GULP1: variants seen among roughly 807,000 people sequenced by gnomAD.
GULP1 encodes the protein PTB domain-containing engulfment adapter protein 1.
In GULP1, 19 loss-of-function variants were observed where a neutral mutation model predicts 40.9. The ratio of observed to expected loss-of-function variants is 0.46; its 90% CI spans 0.32 to 0.68. The LOEUF is 0.68. Among genes scored for constraint, GULP1 ranks in the 30% least tolerant of loss-of-function variants. The probability of loss-of-function intolerance (pLI) is 0.03; values close to 1 mark genes in which losing one functional copy is unlikely to be tolerated. For missense variants in GULP1, 312 were observed against 362.2 expected (o/e 0.86, Z 1.12); for synonymous variants, 119 against 117.6 (o/e 1.01, Z -0.08).
chr2:188,491,562 G>C (rs1403888363), intron 4 of GULP1: 4 of 152,200 alleles, frequency 2.6e-5, no homozygotes, highest in Non-Finnish European at 4.4e-5. Flanking sequence ...AATGGATTAT[G>C]TGGTTGCTTT....
At chr2:188,357,898 G>A (rs771109776) in intron 1 of GULP1, among the ~76,000 whole-genome samples, 3 of 152,156 alleles carry the variant, frequency 2.0e-5, no homozygotes, top group Non-Finnish European at 4.4e-5. Context: ...ATGAAATCCT[G>A]GCTGAGACAG....
At chr2:188,516,445 G>T (rs1210405652) in intron 4 of GULP1, among the ~76,000 whole-genome samples, 4 of 151,818 alleles carry the variant, frequency 2.6e-5, no homozygotes, top group Admixed American at 1.3e-4. Context: ...TGCTTTGATG[G>T]TAAGCCTCTT....
chr2:188,415,556 T>G (rs911132009), intron 2 of GULP1, among the ~76,000 whole-genome samples: 32 of 152,094 alleles, frequency 2.1e-4, no homozygotes, highest in African/African-American at 7.5e-4. Context: ...TGTTTAAATC[T>G]TTTGTCACTG....
intron 1 of GULP1, among the ~76,000 whole-genome samples, chr2:188,300,968 G>C (rs933692482): frequency 6.6e-6 from 1 of 152,098 alleles, no homozygotes; most frequent in African/African-American, 2.4e-5. Flanking sequence ...AAGCACCACT[G>C]ACACTTATTT....
rs62181180 is a variant in GULP1, at chr2:188,325,801, G to A, written c.-172+33635G>A. Among the ~76,000 whole-genome samples the A allele has an allele frequency of 4.2e-3, 644 of 152,170 alleles. 4 individuals carry two copies. The highest frequency in any genetic ancestry group is 6.5e-3 in the Non-Finnish European group (443 of 67,988). ...CTTGGCACATTGACACCACTTTTAT[G>A]TAAAGGTGAATTTTAGTCTGAAAAT... On this transcript the variant is annotated intron_variant, in intron 1 of 11. Transcript: ENST00000409830.
intron 10 of GULP1, among the ~76,000 whole-genome samples, chr2:188,586,236 TA>T (rs1410447010): frequency 6.6e-6 from 1 of 152,166 alleles, no homozygotes; most frequent in Non-Finnish European, 1.5e-5. Context: ...GACAGAGAAA[TA>T]GAGATTATAT....
chr2:188,503,289 A>G (rs2063601457), intron 4 of GULP1, among the ~76,000 whole-genome samples: 2 of 151,798 alleles, frequency 1.3e-5, no homozygotes, highest in Admixed American at 6.6e-5. Flanking sequence ...ACTGCTTGAG[A>G]CTGGGTAATT....
intron 4 of GULP1, among the ~76,000 whole-genome samples, chr2:188,487,163 T>C (rs1380654169): frequency 6.6e-6 from 1 of 152,024 alleles, no homozygotes; most frequent in Non-Finnish European, 1.5e-5. Context: ...TGTATTTTAA[T>C]CAATTTATTT....
intron 2 of GULP1, among the ~76,000 whole-genome samples, chr2:188,470,463 G>C (rs1389396609): frequency 6.6e-6 from 1 of 151,948 alleles, no homozygotes; most frequent in Admixed American, 6.6e-5. Context: ...TTTTGAGTTT[G>C]GGTTGCTCTT....
intron 4 of GULP1, among the ~76,000 whole-genome samples, chr2:188,490,465 GTTAAAT>G (rs1158524367): frequency 3.3e-5 from 5 of 152,102 alleles, no homozygotes; most frequent in African/African-American, 1.2e-4. Context: ...GCCCCTGTCT[GTTAAAT>G]GATTCTCTGG....
intron 2 of GULP1, chr2:188,384,152 T>C (rs930474814): frequency 2.0e-5 from 3 of 152,216 alleles, no homozygotes; most frequent in African/African-American, 7.2e-5. Flanking sequence ...GATAGTATTA[T>C]ATTTAGTTGA....
intron 4 of GULP1, among the ~76,000 whole-genome samples, chr2:188,509,393 T>C (rs2064268861): frequency 6.6e-6 from 1 of 152,156 alleles, no homozygotes; most frequent in Non-Finnish European, 1.5e-5. Flanking sequence ...CAGTTCTGCA[T>C]ACAGCAATGC....
At chr2:188,431,643 C>T (rs969530371) in intron 2 of GULP1, among the ~76,000 whole-genome samples, 11 of 151,986 alleles carry the variant, frequency 7.2e-5, no homozygotes, top group Non-Finnish European at 8.8e-5. Context: ...GCAAACTTAA[C>T]CACGTAGAAA....
chr2:188,369,649 T>C lies in GULP1; in HGVS notation c.-171-14114T>C, dbSNP rs1181655040. ...ACCAGTACTCTCTTTATTGTAGATG[T>C]TTCTCTACCATTTTCTGTCTCGGTT... is the stretch of plus-strand genomic sequence containing the variant. On this transcript the variant is annotated intron_variant, in intron 1 of 11. Transcript: ENST00000409830. Among the ~76,000 whole-genome samples, 5 of 152,154 alleles carry C rather than the reference T, an allele frequency of 3.3e-5. No individual in the cohort carries two copies. In the East Asian group the frequency reaches 7.7e-4, roughly 23 times the overall value.
intron 2 of GULP1, among the ~76,000 whole-genome samples, chr2:188,411,082 A>G (rs1260073125): frequency 3.3e-5 from 5 of 152,136 alleles, no homozygotes; most frequent in Admixed American, 3.3e-4. Context: ...GACCTTTGTC[A>G]TTTAATCTAT....
At chr2:188,517,474 C>A (rs2065287393) in intron 4 of GULP1, among the ~76,000 whole-genome samples, 1 of 151,958 alleles carries the variant, frequency 6.6e-6, no homozygotes, top group African/African-American at 2.4e-5. Context: ...TTTTATTGCG[C>A]TCCCTCTACT....
Position 188,587,928 on chromosome 2 carries a change from A to G in GULP1, c.822A>G (p.Gln274=), listed in dbSNP as rs1702732789. 1.3e-6 allele frequency: 2 copies of G among 1,595,314 alleles called. No individual in the cohort carries two copies. The highest frequency in any genetic ancestry group is 1.7e-6 in the Non-Finnish European group (2 of 1,163,028). ...CAGCAGATTTCCCTCCAGATATTCA[A>G]TCAAAATTAGATGAGATGCAGGTGA... ...CGAADFPPDI[Q]SKLDEMQEGF... is the part of the protein sequence containing the mutation. The change falls in exon 11 of 12, where the codon CAA becomes CAG. Residue 274 remains glutamine, a synonymous_variant. Transcript: ENST00000409830.
At chr2:188,588,093 T>G (rs1203889599) in intron 11 of GULP1, 144 bp downstream of exon 11, 2 of 686,754 alleles carry the variant, frequency 2.9e-6, no homozygotes, top group African/African-American at 3.6e-5. Context: ...AAAATAATAA[T>G]GTACAGTTAG....
intron 1 of GULP1, among the ~76,000 whole-genome samples, chr2:188,369,896 T>C (rs983245908): frequency 1.1e-4 from 17 of 152,062 alleles, no homozygotes; most frequent in Non-Finnish European, 2.9e-5. Flanking sequence ...CACGCTGGAG[T>C]GTGATGGTGC....
Sources: allele counts gnomAD v4.1 joint callset (sites outside exome capture counted in the v4.1 genomes callset), GRCh38; gene constraint gnomAD v4.1.1; transcripts MANE v1.5; gene names NCBI Gene and HGNC (gene_info 2026-07-23, HGNC 2026-07-21).